The following SPAG17 variants were observed in gnomAD, a reference collection of about 807,000 sequenced individuals.
SPAG17 encodes sperm associated antigen 17.
Under a neutral mutation model 273.6 loss-of-function variants are expected in SPAG17, and 169 were observed. The ratio of observed to expected loss-of-function variants is 0.62; its 90% confidence interval spans 0.55 to 0.70. The LOEUF (loss-of-function observed/expected upper bound fraction) is 0.70. SPAG17 is among the 30% of genes least tolerant of loss of function. The pLI, the probability that SPAG17 is intolerant of heterozygous loss-of-function variation, is 0.00. For synonymous variants in SPAG17, 825 were observed against 873.2 expected, an observed-to-expected ratio of 0.94 and a Z score of 0.97; for missense variants, 2,557 against 2,627.8, an observed-to-expected ratio of 0.97 and a Z score of 0.59.
At chr1:118,130,718 C>T (rs2102296516) in intron 3 of SPAG17, among the ~76,000 whole-genome samples, 1 of 152,280 alleles carries the variant, frequency 6.6e-6, no homozygotes, top group African/African-American at 2.4e-5. Context: ...AATTCCCCCA[C>T]CAGGAGGCCA....
intron 42 of SPAG17, 58 bp from the exon 43 acceptor site, chr1:117,981,459 A>T (rs921008055): frequency 6.6e-7 from 1 of 1,513,712 alleles, no homozygotes; most frequent in Non-Finnish European, 8.8e-7. Context: ...TATAATGACT[A>T]CTAATGTTTG....
At chr1:117,995,931 C>T (rs745454448) in intron 34 of SPAG17, among the ~76,000 whole-genome samples, 12 of 151,912 alleles carry the variant, frequency 7.9e-5, no homozygotes, top group African/African-American at 2.2e-4. Flanking sequence ...TATAAGTTAC[C>T]GGGTATTTCA....
chr1:118,115,617 C>T (rs532670883), intron 3 of SPAG17, among the ~76,000 whole-genome samples, 176 bp from the exon 4 acceptor site: 15 of 151,896 alleles, frequency 9.9e-5, no homozygotes, highest in African/African-American at 3.6e-4. Flanking sequence ...CAGAGAGGGG[C>T]ATTTACCCTC....
chr1:118,034,535 A>G, intron 24 of SPAG17, among the ~76,000 whole-genome samples: 1 of 152,220 alleles, frequency 6.6e-6, no homozygotes, highest in Admixed American at 6.5e-5. Context: ...TGCTCTGGGA[A>G]GCATTTCTCA....
intron 1 of SPAG17, among the ~76,000 whole-genome samples, chr1:118,171,013 A>G (rs1257071660): frequency 6.6e-6 from 1 of 152,202 alleles, no homozygotes; most frequent in Non-Finnish European, 1.5e-5. Flanking sequence ...AAATGGTTTG[A>G]GAAATAGGTA....
chr1:118,117,176 G>A (rs912881076), intron 3 of SPAG17, among the ~76,000 whole-genome samples: 11 of 152,184 alleles, frequency 7.2e-5, no homozygotes, highest in African/African-American at 2.7e-4. Context: ...AAAGGTCATG[G>A]CAGTCTAGTG....
At chr1:118,030,762 G>C (rs1040018819) in intron 25 of SPAG17, among the ~76,000 whole-genome samples, 1 of 152,094 alleles carries the variant, frequency 6.6e-6, no homozygotes, top group Non-Finnish European at 1.5e-5. Flanking sequence ...CCCTGCAAAG[G>C]ACATGAACTC....
intron 7 of SPAG17, 58 bp downstream of exon 7, chr1:118,097,612 A>C: frequency 7.3e-7 from 1 of 1,375,448 alleles, no homozygotes; most frequent in Non-Finnish European, 9.7e-7. Context: ...AAATGGAGCA[A>C]ATAGAACCAC....
chr1:118,172,307 A>G (rs374067678), intron 1 of SPAG17, among the ~76,000 whole-genome samples: 3 of 152,214 alleles, frequency 2.0e-5, no homozygotes, highest in East Asian at 1.9e-4. Context: ...TCCCTTGAGT[A>G]TTAGGAAACT....
chr1:118,160,643 C>T (rs1190497008), intron 1 of SPAG17, among the ~76,000 whole-genome samples: 1 of 152,234 alleles, frequency 6.6e-6, no homozygotes, highest in African/African-American at 2.4e-5. Flanking sequence ...CTTCTACAAA[C>T]ACAAGATTGC....
intron 3 of SPAG17, among the ~76,000 whole-genome samples, chr1:118,144,289 C>T (rs1424358212): frequency 6.6e-6 from 1 of 152,184 alleles, no homozygotes; most frequent in African/African-American, 2.4e-5. Flanking sequence ...GCTTTGGTGC[C>T]CTCCAGAAAT....
chr1:118,096,620 CA>C (rs1346595899), intron 7 of SPAG17, among the ~76,000 whole-genome samples: 1 of 152,178 alleles, frequency 6.6e-6, no homozygotes, highest in Non-Finnish European at 1.5e-5. Flanking sequence ...ATACTTTCCA[CA>C]ACATCTTCGA....
At chr1:118,163,048 C>T (rs1401958988) in intron 1 of SPAG17, among the ~76,000 whole-genome samples, 1 of 152,150 alleles carries the variant, frequency 6.6e-6, no homozygotes, top group East Asian at 1.9e-4. Flanking sequence ...AGAAATGGAA[C>T]ATAGAATGGG....
chr1:118,169,894 A>C (rs2102390305), intron 1 of SPAG17, among the ~76,000 whole-genome samples: 1 of 152,346 alleles, frequency 6.6e-6, no homozygotes, highest in Middle Eastern at 3.4e-3. Flanking sequence ...GAAAAAAATT[A>C]AAAATTAAAA....
intron 32 of SPAG17, among the ~76,000 whole-genome samples, chr1:118,000,639 A>G (rs1255607127): frequency 6.6e-6 from 1 of 152,188 alleles, no homozygotes; most frequent in Non-Finnish European, 1.5e-5. Flanking sequence ...TTATTGATGT[A>G]TAGGAATGCT....
chr1:118,025,132 T>C, intron 27 of SPAG17, 106 bp downstream of exon 27: 1 of 921,792 alleles, frequency 1.1e-6, no homozygotes, highest in Non-Finnish European at 1.6e-6. Context: ...GTCATTCCTT[T>C]TTCTAGTGAG....
In SPAG17 at chr1:117,971,672, C is replaced by T. The variant is rs988253870; in HGVS notation, c.6326+191G>A. ...GAAGTATCTACCATATAATTGGAACCCGATAAACACTCACTGATTTGTTGA... is the reference window on the plus strand; with the variant it reads ...GAAGTATCTACCATATAATTGGAACTCGATAAACACTCACTGATTTGTTGA... On this transcript the variant is annotated intron_variant, in intron 45 of 48. Coordinates refer to ENST00000336338, the MANE Select transcript of SPAG17 (RefSeq NM_206996.4). 6.8e-6 allele frequency: 3 copies of T among 441,738 alleles called. No homozygotes were observed. The East Asian group carries it at 1.0e-4, about 15-fold the overall frequency. 27.4% of individuals were successfully genotyped at this position (441,738 alleles called of 1,614,324 possible).
At chr1:118,177,912 G>A (rs1464717298) in intron 1 of SPAG17, among the ~76,000 whole-genome samples, 1 of 152,018 alleles carries the variant, frequency 6.6e-6, no homozygotes, top group Non-Finnish European at 1.5e-5. Flanking sequence ...TAATAAGATT[G>A]AAGCTGTAAT....
At chr1:117,994,942 A>G (rs76443599) in intron 34 of SPAG17, among the ~76,000 whole-genome samples, 2,511 of 152,224 alleles carry the variant, frequency 0.016, 38 homozygotes, top group Middle Eastern at 0.041. Flanking sequence ...CTTCCCTTGC[A>G]GTCAGGGTGA....
Sources: allele counts gnomAD v4.1 joint callset (sites outside exome capture counted in the v4.1 genomes callset), GRCh38; gene constraint gnomAD v4.1.1; transcripts MANE v1.5; gene names NCBI Gene and HGNC (gene_info 2026-07-23, HGNC 2026-07-21).